PPARGC1A: variants seen among roughly 807,000 people sequenced by gnomAD.
PPARGC1A encodes the protein peroxisome proliferator-activated receptor gamma coactivator 1-alpha.
A neutral mutation model predicts 88.7 loss-of-function variants in PPARGC1A; 25 were observed. That is an observed-to-expected ratio of 0.28 (90% CI 0.21 to 0.39). PPARGC1A has a LOEUF of 0.39. Among genes scored for constraint, PPARGC1A ranks in the 10% least tolerant of loss-of-function variants. The probability of loss-of-function intolerance (pLI) is 1.00; values close to 1 mark genes in which losing one functional copy is unlikely to be tolerated. For missense variants in PPARGC1A, 880 were observed against 968.7 expected (o/e 0.91, Z 1.22); for synonymous variants, 363 against 355.6 (o/e 1.02, Z -0.24).
At chr4:23,865,109 T>G (rs34680509) in intron 2 of PPARGC1A, among the ~76,000 whole-genome samples, 1 of 152,058 alleles carries the variant, frequency 6.6e-6, no homozygotes, top group African/African-American at 2.4e-5. Context: ...CACTTGAACC[T>G]GGGAGGTGGA....
At chr4:24,026,289 C>A in the PPARGC1A span, among the ~76,000 whole-genome samples, 12 of 152,206 alleles carry the variant, frequency 7.9e-5, no homozygotes, top group Admixed American at 7.9e-4. Flanking sequence ...TGGGCCCATG[C>A]ATTTCTGATT....
At chr4:23,868,025 T>C (rs1266971081) in intron 2 of PPARGC1A, among the ~76,000 whole-genome samples, 1 of 152,180 alleles carries the variant, frequency 6.6e-6, no homozygotes, top group Non-Finnish European at 1.5e-5. Flanking sequence ...ATGAGCTTCC[T>C]GGGAACAGCG....
the PPARGC1A span, among the ~76,000 whole-genome samples, chr4:24,117,306 C>T: frequency 3.3e-5 from 5 of 152,148 alleles, no homozygotes; most frequent in Non-Finnish European, 7.4e-5. Flanking sequence ...TTAGTACCAA[C>T]ACTGTCTGGT....
Position 23,794,092 on chromosome 4 carries a change from C to T in PPARGC1A, c.*1730G>A, listed in dbSNP as rs1359452441. On this transcript the variant is annotated 3_prime_UTR_variant, in exon 13 of 13. Transcript: ENST00000264867. ...GCTTCAAAGATAGTCTTCAGACACA[C>T]ATTAATTATTGTAAAAATCATACTA... 1 of 152,566 alleles carries T rather than the reference C, an allele frequency of 6.6e-6. No individual in the cohort carries two copies. Among genetic ancestry groups the T allele is most frequent in the African/African-American group, 2.4e-5 (1 of 41,420 alleles). 9.5% of individuals were successfully genotyped at this position (152,566 alleles called of 1,614,324 possible). A position where few individuals can be genotyped will look rare whatever the true frequency, so the allele number is the denominator to read the frequency against.
At chr4:23,960,095 AC>A in the PPARGC1A span, among the ~76,000 whole-genome samples, 1 of 152,150 alleles carries the variant, frequency 6.6e-6, no homozygotes, top group Non-Finnish European at 1.5e-5. Context: ...ATCTAGGCTA[AC>A]CTTTAAAAAC....
chr4:24,358,832 C>G, the PPARGC1A span, among the ~76,000 whole-genome samples: 1 of 152,196 alleles, frequency 6.6e-6, no homozygotes, highest in African/African-American at 2.4e-5. Context: ...GCCAGTGAAC[C>G]CTGAGCGTGG....
At chr4:23,977,040 G>T in the PPARGC1A span, among the ~76,000 whole-genome samples, 2 of 151,886 alleles carry the variant, frequency 1.3e-5, no homozygotes, top group African/African-American at 4.8e-5. Context: ...AGAACAAGAA[G>T]GAGAAGAGGA....
upstream of PPARGC1A, among the ~76,000 whole-genome samples, chr4:23,893,662 C>T (rs2970866): frequency 0.79 from 119,863 of 152,058 alleles, 48,201 homozygotes; most frequent in African/African-American, 0.93. Flanking sequence ...CCAAGAGCTT[C>T]AACATTTTAA....
At chr4:24,140,442 G>C in the PPARGC1A span, among the ~76,000 whole-genome samples, 11 of 152,056 alleles carry the variant, frequency 7.2e-5, no homozygotes, top group African/African-American at 2.7e-4. Context: ...TTTGTGACCG[G>C]GTCATTGGAC....
At chr4:23,997,968 T>C in the PPARGC1A span, among the ~76,000 whole-genome samples, 1 of 152,222 alleles carries the variant, frequency 6.6e-6, no homozygotes, top group African/African-American at 2.4e-5. Flanking sequence ...ATCTATGATA[T>C]TCTTCGGCCA....
At chr4:24,133,353 C>G in the PPARGC1A span, among the ~76,000 whole-genome samples, 1 of 152,168 alleles carries the variant, frequency 6.6e-6, no homozygotes, top group Non-Finnish European at 1.5e-5. Flanking sequence ...AAATGCAAGT[C>G]TAGTCATGGG....
chr4:24,373,735 G>T, the PPARGC1A span, among the ~76,000 whole-genome samples: 2 of 152,152 alleles, frequency 1.3e-5, no homozygotes, highest in African/African-American at 4.8e-5. Flanking sequence ...AAATTGATAG[G>T]TTGCCCATTC....
At chr4:24,070,078 C>T in the PPARGC1A span, among the ~76,000 whole-genome samples, 1 of 152,084 alleles carries the variant, frequency 6.6e-6, no homozygotes, top group Non-Finnish European at 1.5e-5. Context: ...CAAAAGCATG[C>T]CATTCATATA....
At chr4:23,802,190 C>T in intron 11 of PPARGC1A, 34 bp downstream of exon 11, 1 of 1,613,720 alleles carries the variant, frequency 6.2e-7, no homozygotes, top group South Asian at 1.1e-5. Context: ...CATACGTCAG[C>T]TTCTAAACAA....
At chr4:24,097,446 A>C in the PPARGC1A span, among the ~76,000 whole-genome samples, 5 of 152,184 alleles carry the variant, frequency 3.3e-5, no homozygotes, top group African/African-American at 9.6e-5. Context: ...ATACATTTCC[A>C]CTTTAACTTC....
In PPARGC1A at chr4:23,814,347, C is replaced by A; in HGVS notation, c.1136G>T (p.Arg379Leu). 1 of 1,613,962 alleles carries A rather than the reference C, an allele frequency of 6.2e-7. No homozygotes were observed. The change falls in exon 8 of 13, where the codon CGG becomes CTG. Residue 379 changes from arginine (R) to leucine (L), a missense_variant. By Grantham distance (102) the Arg-to-Leu change is moderately radical. Transcript: ENST00000264867. ...GCAATAGTCATGGTCACCAAACAGC[C>A]GCAGACTGGGCCGCTTGGTCTTCCT... ...EERKTKRPSLRLFGDHDYCQS... is the reference protein window; with the variant it reads ...EERKTKRPSLLLFGDHDYCQS...
At chr4:24,123,036 T>C in the PPARGC1A span, among the ~76,000 whole-genome samples, 1 of 152,196 alleles carries the variant, frequency 6.6e-6, no homozygotes, top group East Asian at 1.9e-4. Context: ...TGCATGTGTG[T>C]GCAAACACAC....
intron 2 of PPARGC1A, among the ~76,000 whole-genome samples, chr4:23,839,942 A>T (rs938150136): frequency 6.6e-6 from 1 of 152,068 alleles, no homozygotes; most frequent in Admixed American, 6.6e-5. Flanking sequence ...CCCACAACAC[A>T]TGGGAATTAT....
the PPARGC1A span, among the ~76,000 whole-genome samples, chr4:24,224,719 A>G: frequency 6.6e-6 from 1 of 152,204 alleles, no homozygotes; most frequent in Non-Finnish European, 1.5e-5. Flanking sequence ...GATCATAATA[A>G]GCAAATAAAG....
Sources: allele counts gnomAD v4.1 joint callset (sites outside exome capture counted in the v4.1 genomes callset), GRCh38; gene constraint gnomAD v4.1.1; transcripts MANE v1.5; gene names NCBI Gene and HGNC (gene_info 2026-07-23, HGNC 2026-07-21).